TGIF1: variants seen among roughly 807,000 people sequenced by gnomAD.
TGIF1 encodes TGFB induced factor homeobox 1.
A neutral mutation model predicts 19.3 loss-of-function variants in TGIF1; 4 were observed. That is an observed-to-expected ratio of 0.21 (90% CI 0.10 to 0.47). The LOEUF is 0.47. Ranked by LOEUF, TGIF1 falls within the 20% of genes least tolerant of loss-of-function variation. The probability of loss-of-function intolerance (pLI) is 0.98; values close to 1 mark genes in which losing one functional copy is unlikely to be tolerated. For synonymous variants in TGIF1, 122 were observed against 129.3 expected (o/e 0.94, Z 0.38); for missense variants, 275 against 341.4 (o/e 0.81, Z 1.53).
At chr18:3,448,698 A>C, upstream of TGIF1, 1 of 750,076 alleles carries the variant, frequency 1.3e-6, no homozygotes, top group Non-Finnish European at 1.6e-6. Context: ...GCCTCCACGC[A>C]TTCTAGGGGC....
At chr18:3,437,593 A>G (rs2082630227) in intron 2 of TGIF1, among the ~76,000 whole-genome samples, 1 of 152,238 alleles carries the variant, frequency 6.6e-6, no homozygotes, top group African/African-American at 2.4e-5. Flanking sequence ...TTTTCTAAAC[A>G]GCAATTTTCG....
rs1200764848 is a variant in TGIF1 at position 3,458,092 on chromosome 18, C to T, written c.*152C>T. On this transcript the variant is annotated 3_prime_UTR_variant, in exon 3 of 3. Coordinates refer to ENST00000343820, the MANE Select transcript of TGIF1 (RefSeq NM_003244.4). ...TTACTGAGATGTCTTCAATGGAATA[C>T]AGTCATTCCAAGAACTATAAACTTA... The T allele has an allele frequency of 1.5e-6, 1 of 677,710 alleles. No individual in the cohort carries two copies. The highest frequency in any genetic ancestry group is 2.5e-6 in the Non-Finnish European group (1 of 401,042). 42.0% of individuals were successfully genotyped at this position (677,710 alleles called of 1,614,324 possible). A position where few individuals can be genotyped will look rare whatever the true frequency, so the allele number is the denominator to read the frequency against.
At chr18:3,449,395 G>A (rs1347330615), upstream of TGIF1, 15 of 985,312 alleles carry the variant, frequency 1.5e-5, no homozygotes, top group Non-Finnish European at 1.8e-5. Context: ...GGCCGTCCCC[G>A]GGCAGAGACG....
intron 2 of TGIF1, among the ~76,000 whole-genome samples, chr18:3,436,828 G>C (rs562791111): frequency 6.6e-6 from 1 of 150,754 alleles, no homozygotes; most frequent in Non-Finnish European, 1.5e-5. Context: ...AAGAGGGCTG[G>C]GTTTGGTGGC....
In TGIF1 at chr18:3,451,485, T is replaced by G. The variant is rs1297874825; in HGVS notation, c.16+980T>G. 8 of 988,088 alleles carry G rather than the reference T, an allele frequency of 8.1e-6. No homozygotes were observed. Among genetic ancestry groups the G allele is most frequent in the Admixed American group, 1.2e-4 (2 of 16,340 alleles). The allele number at this position is 988,088 out of a possible 1,614,324, so 61.2% of individuals were successfully genotyped here. A position where few individuals can be genotyped will look rare whatever the true frequency, so the allele number is the denominator to read the frequency against. On this transcript the variant is annotated intron_variant, in intron 1 of 2. Transcript: ENST00000343820. The surrounding 1 kb of genome is among the most constrained non-coding windows in gnomAD (Gnocchi z 5.4). ...CTGTGGGCTGGAGGTGGCGTTTCTGTCGTGATTTATGTGGAGTGGTTCAAA... is the reference window on the plus strand; with the variant it reads ...CTGTGGGCTGGAGGTGGCGTTTCTGGCGTGATTTATGTGGAGTGGTTCAAA...
At chr18:3,439,808 C>T (rs1217825017) in intron 2 of TGIF1, among the ~76,000 whole-genome samples, 3 of 151,836 alleles carry the variant, frequency 2.0e-5, no homozygotes, top group African/African-American at 4.8e-5. Context: ...ATAGATTGAG[C>T]CCAGGAGTTC....
upstream of TGIF1, chr18:3,448,421 C>G (rs908418290): frequency 2.0e-6 from 2 of 993,620 alleles, no homozygotes; most frequent in African/African-American, 3.5e-5. Flanking sequence ...CCGCACCGGG[C>G]GCAGCAGCTG....
upstream of TGIF1, chr18:3,447,977 A>C (rs1182788815): frequency 2.7e-5 from 25 of 921,106 alleles, no homozygotes; most frequent in Non-Finnish European, 3.2e-5. Context: ...GGACGAAAGC[A>C]AAGCTACCTT....
rs775852973 is a variant in TGIF1, at chr18:3,456,573, C to T, written c.236C>T (p.Thr79Met). 53 of 1,613,552 alleles carry T rather than the reference C, an allele frequency of 3.3e-5. No homozygotes were observed. The highest frequency in any genetic ancestry group is 4.1e-5 in the Non-Finnish European group (48 of 1,179,446). ...CTGTCCCAGCAAACACACCTGTCTA[C>T]GCTACAGGTAAAGAAAGAGAGCGTG... is the stretch of plus-strand genomic sequence containing the variant. ...ALLSQQTHLS[T>M]LQVCNWFINA... Residue 79 changes from threonine to methionine, a missense_variant, in exon 2 of 3, where the codon ACG (threonine) becomes ATG (methionine). Thr to Met is a moderately conservative substitution (Grantham distance 81). Transcript: ENST00000343820. This position sits in a 1 kb window ranked among gnomAD's most constrained non-coding sequence, Gnocchi z 4.2.
Position 3,435,488 on chromosome 18 carries a change from G to A in TGIF1, c.-45+17273G>A, listed in dbSNP as rs148193801. 4.8e-3 allele frequency among the ~76,000 whole-genome samples: 736 copies of A among 152,192 alleles called. 4 individuals are homozygous for A. The highest frequency in any genetic ancestry group is 0.017 in the African/African-American group (711 of 41,540). On this transcript the variant is annotated intron_variant, in intron 2 of 3. Transcript: ENST00000401449. ...GCTAGGATTACAGGTGTGAGCCACC[G>A]CTCCCGGCCTTAAAACCCTATTAAC...
chr18:3,420,079 A>C (rs2082382520), intron 2 of TGIF1, among the ~76,000 whole-genome samples: 1 of 152,138 alleles, frequency 6.6e-6, no homozygotes, highest in South Asian at 2.1e-4. Flanking sequence ...TAAATGCTCA[A>C]TTAAAATCAA....
chr18:3,445,753 AGAG>A (rs1568041612), upstream of TGIF1, among the ~76,000 whole-genome samples: 68 of 89,566 alleles, frequency 7.6e-4, no homozygotes, highest in Middle Eastern at 6.3e-3. Context: ...AAAAAAAAAA[AGAG>A]AAGAAAAGCA....
At chr18:3,448,248 C>G (rs2082784451), upstream of TGIF1, 2 of 985,442 alleles carry the variant, frequency 2.0e-6, no homozygotes, top group African/African-American at 1.7e-5. Context: ...CGTCGCCCAG[C>G]CCCCGGCTCC....
Position 3,457,931 on chromosome 18 carries a change from T to TA in TGIF1, c.811dup (p.Thr271AsnfsTer16), listed in dbSNP as rs1474958210. On this transcript the variant is annotated frameshift_variant, in exon 3 of 3. Transcript: ENST00000343820. LOFTEE classifies it high-confidence loss of function. This position sits in a 1 kb window ranked among gnomAD's most constrained non-coding sequence, Gnocchi z 4.9. Reference sequence around the variant, plus strand: ...CAGAGATGGAGCTTCAGGCAAAACTTACAGCTTAACCCATTTTCAAGCAAA... The same window carrying TA: ...CAGAGATGGAGCTTCAGGCAAAACTTAACAGCTTAACCCATTTTCAAGCAAA... 3.1e-6 allele frequency: 5 copies of TA among 1,600,166 alleles called. No homozygotes were observed. The highest frequency in any genetic ancestry group is 4.2e-6 in the Non-Finnish European group (5 of 1,179,934).
At chr18:3,432,510 T>A (rs1056006146) in intron 2 of TGIF1, among the ~76,000 whole-genome samples, 5 of 152,236 alleles carry the variant, frequency 3.3e-5, no homozygotes, top group Admixed American at 2.6e-4. Flanking sequence ...TTGTAATACA[T>A]TCTCTGGTGT....
rs451488 is a variant in TGIF1 at position 3,457,246 on chromosome 18, G to C, written c.244-119G>C. 121,460 of 1,116,100 alleles carry C rather than the reference G, an allele frequency of 0.11. 12,576 individuals carry two copies. Among genetic ancestry groups the C allele is most frequent in the African/African-American group, 0.48 (30,961 of 64,640 alleles). 69.1% of individuals were successfully genotyped at this position (1,116,100 alleles called of 1,614,324 possible). A position where few individuals can be genotyped will look rare whatever the true frequency, so the allele number is the denominator to read the frequency against. On this transcript the variant is annotated intron_variant, in intron 2 of 2. Coordinates refer to ENST00000343820, the MANE Select transcript of TGIF1 (RefSeq NM_003244.4). This position sits in a 1 kb window ranked among gnomAD's most constrained non-coding sequence, Gnocchi z 4.9. ...AAATAACATTGTAAATTCAGATAAG[G>C]CTTTTCATGCTTTCTTTAATTCAGA...
In TGIF1 at chr18:3,456,316, T is replaced by TGCTG. The variant is rs2049352748; in HGVS notation, c.17-38_17-37insGCTG. 1.9e-6 allele frequency: 3 copies of TGCTG among 1,584,118 alleles called. No homozygotes were observed. The East Asian group carries it at 6.7e-5, about 35-fold the overall frequency. On this transcript the variant is annotated intron_variant, in intron 1 of 2. Coordinates refer to ENST00000343820, the MANE Select transcript of TGIF1 (RefSeq NM_003244.4). This position sits in a 1 kb window ranked among gnomAD's most constrained non-coding sequence, Gnocchi z 4.2. ...TGAGCTTTGCAATAGTTGCTGTGCT[T>TGCTG]ATAAAGCAACTGACAACTGGCCCTT...
chr18:3,442,942 A>G lies in TGIF1; in HGVS notation c.-44-13412A>G, dbSNP rs189427625. The stretch of plus-strand genomic sequence containing the variant: ...GAGGGCACAAAGAAAGAGATCTCAC[A>G]TAACTTTGGTGAGATTTTAAATAGG... On this transcript the variant is annotated intron_variant, in intron 2 of 3. Coordinates refer to the TGIF1 transcript ENST00000401449. 9.8e-5 allele frequency among the ~76,000 whole-genome samples: 15 copies of G among 152,354 alleles called. No homozygotes were observed. The East Asian group carries it at 2.9e-3, about 29-fold the overall frequency.
intron 1 of TGIF1, chr18:3,455,613 A>G (rs893972390): frequency 6.5e-6 from 1 of 152,744 alleles, no homozygotes; most frequent in Admixed American, 6.5e-5. Context: ...AAGTACCAGT[A>G]GTAGAAAAAT....
Sources: allele counts gnomAD v4.1 joint callset (sites outside exome capture counted in the v4.1 genomes callset), GRCh38; gene constraint gnomAD v4.1.1; non-coding constraint Gnocchi (gnomAD v3.1); transcripts MANE v1.5; gene names NCBI Gene and HGNC (gene_info 2026-07-23, HGNC 2026-07-21).